The following CDH6 variants were observed in gnomAD, a reference collection of about 807,000 sequenced individuals.
The protein encoded by CDH6 is cadherin-6.
In CDH6, 31 loss-of-function variants were observed where a neutral mutation model predicts 78.0. The ratio of observed to expected loss-of-function variants is 0.40; its 90% CI spans 0.30 to 0.54. The LOEUF is 0.54. Among genes scored for constraint, CDH6 ranks in the 20% least tolerant of loss-of-function variants. The pLI is 0.56. For synonymous variants in CDH6, 376 were observed against 368.8 expected (o/e 1.02, Z -0.23); for missense variants, 724 against 975.9 (o/e 0.74, Z 3.44).
Position 31,327,778 on chromosome 5 carries a change from C to T in CDH6, c.*4470C>T. The T allele has an allele frequency of 4.8e-6, 1 of 210,152 alleles. No individual in the cohort carries two copies. The highest frequency in any genetic ancestry group is 9.7e-6 in the Non-Finnish European group (1 of 103,534). The allele number at this position is 210,152 out of a possible 1,614,324, so 13.0% of individuals were successfully genotyped here. On this transcript the variant is annotated 3_prime_UTR_variant, in exon 12 of 12. Coordinates refer to ENST00000265071, the MANE Select transcript of CDH6 (RefSeq NM_004932.4). The stretch of plus-strand genomic sequence containing the variant: ...TAATTTTCTAAAGGGTAATTCTCTA[C>T]TAAAAATATCAGACCCCGACCATAT...
At chr5:31,199,452 A>G (rs1740265190) in intron 1 of CDH6, among the ~76,000 whole-genome samples, 1 of 22,414 alleles carries the variant, frequency 4.5e-5, no homozygotes, top group African/African-American at 9.3e-5. Context: ...ATACACACAC[A>G]TATGTGTATA....
intron 2 of CDH6, among the ~76,000 whole-genome samples, chr5:31,269,284 G>A (rs1274520830): frequency 9.2e-6 from 1 of 109,182 alleles, no homozygotes; most frequent in African/African-American, 3.3e-5. Context: ...AAAAAAAAGC[G>A]GGGGGGGCAG....
chr5:31,210,693 T>TC (rs972881297), intron 1 of CDH6, among the ~76,000 whole-genome samples: 2 of 152,142 alleles, frequency 1.3e-5, no homozygotes, highest in Non-Finnish European at 2.9e-5. Context: ...CCTACCTACA[T>TC]CCTCCCATAT....
intron 2 of CDH6, among the ~76,000 whole-genome samples, chr5:31,289,612 G>A (rs758753222): frequency 2.0e-5 from 3 of 152,178 alleles, no homozygotes; most frequent in South Asian, 2.1e-4. Context: ...GAGAGTTCCC[G>A]TTTCTCCACA....
chr5:31,280,696 G>A (rs993826737), intron 2 of CDH6, among the ~76,000 whole-genome samples: 6 of 150,130 alleles, frequency 4.0e-5, no homozygotes, highest in Non-Finnish European at 6.0e-5. Flanking sequence ...CAGCGGGGTC[G>A]TCAGATAGTA....
chr5:31,282,236 C>T (rs1017469423), intron 2 of CDH6, among the ~76,000 whole-genome samples: 1 of 152,164 alleles, frequency 6.6e-6, no homozygotes, highest in African/African-American at 2.4e-5. Flanking sequence ...GGGCTAAAAT[C>T]AAGGTGTCTG....
chr5:31,269,611 G>A (rs16900809), intron 2 of CDH6, among the ~76,000 whole-genome samples: 69,319 of 151,620 alleles, frequency 0.46, 16,092 homozygotes, highest in Middle Eastern at 0.58. Flanking sequence ...TAAAAAATCC[G>A]TTGTATATGT....
chr5:31,282,080 CAGT>C (rs1183880209), intron 2 of CDH6, among the ~76,000 whole-genome samples: 2 of 152,174 alleles, frequency 1.3e-5, no homozygotes, highest in Non-Finnish European at 2.9e-5. Context: ...GGACCACACG[CAGT>C]TTCAGTTCAC....
intron 11 of CDH6, chr5:31,318,970 T>G (rs1738402962): frequency 9.2e-6 from 2 of 217,206 alleles, no homozygotes; most frequent in Non-Finnish European, 1.9e-5. Context: ...GCGATTCTCT[T>G]TGTCAACTAA....
intron 1 of CDH6, among the ~76,000 whole-genome samples, chr5:31,207,784 G>C (rs1740574003): frequency 6.6e-6 from 1 of 152,120 alleles, no homozygotes; most frequent in Non-Finnish European, 1.5e-5. Flanking sequence ...CTAATAATTT[G>C]ATTTCTTTGG....
At chr5:31,243,990 A>G (rs535723121) in intron 1 of CDH6, among the ~76,000 whole-genome samples, 23 of 152,310 alleles carry the variant, frequency 1.5e-4, no homozygotes, top group African/African-American at 5.5e-4. Flanking sequence ...ATTTCAGGCC[A>G]ATTTTGTACA....
At chr5:31,210,076 T>TTCTGTGTGTGTGTGTGTGTGTGTGTG (rs1554002608) in intron 1 of CDH6, among the ~76,000 whole-genome samples, 1 of 146,470 alleles carries the variant, frequency 6.8e-6, no homozygotes, top group African/African-American at 2.5e-5. Context: ...TTTTCTTAAA[T>TTCTGTGTGTGTGTGTGTGTGTGTGTG]TGTGTGTGTG....
intron 6 of CDH6, among the ~76,000 whole-genome samples, chr5:31,302,919 GA>G (rs1442564343): frequency 4.4e-4 from 51 of 116,736 alleles, no homozygotes; most frequent in African/African-American, 1.4e-3. Flanking sequence ...AAGAAAGAAA[GA>G]AAGAAAGAAA....
intron 2 of CDH6, among the ~76,000 whole-genome samples, chr5:31,280,408 T>C (rs1053879246): frequency 6.6e-6 from 1 of 152,190 alleles, no homozygotes; most frequent in Non-Finnish European, 1.5e-5. Flanking sequence ...AACCACTCTC[T>C]AGTTGAACAT....
chr5:31,310,159 C>T (rs1307899322), intron 7 of CDH6, among the ~76,000 whole-genome samples: 2 of 152,178 alleles, frequency 1.3e-5, no homozygotes, highest in Non-Finnish European at 2.9e-5. Flanking sequence ...AAGTTAGTTA[C>T]TTCCATACAA....
intron 2 of CDH6, among the ~76,000 whole-genome samples, chr5:31,278,084 T>C (rs1561054754): frequency 6.6e-6 from 1 of 152,202 alleles, no homozygotes. Flanking sequence ...ATATTAACTA[T>C]AGTCTCCATG....
At chr5:31,254,660 G>C (rs1251442362) in intron 1 of CDH6, among the ~76,000 whole-genome samples, 2 of 152,204 alleles carry the variant, frequency 1.3e-5, no homozygotes, top group African/African-American at 4.8e-5. Context: ...TACCAGTTAT[G>C]CTGTTTAGGA....
chr5:31,267,500 G>A lies in CDH6; in HGVS notation c.27G>A (p.Leu9=), dbSNP rs750295332. The change falls in exon 2 of 12, where the codon CTG becomes CTA. Residue 9 remains leucine (L), a synonymous_variant. Transcript: ENST00000265071. ...TGAGAACTTACCGCTACTTCTTGCT[G>A]CTCTTTTGGGTGGGCCAGCCCTACC... MRTYRYFL[L]LFWVGQPYPT... The A allele has an allele frequency of 1.2e-6, 2 of 1,614,024 alleles. No homozygotes were observed. Among genetic ancestry groups the A allele is most frequent in the Non-Finnish European group, 8.5e-7 (1 of 1,180,004 alleles).
At chr5:31,212,245 G>A (rs938845775) in intron 1 of CDH6, among the ~76,000 whole-genome samples, 2 of 152,158 alleles carry the variant, frequency 1.3e-5, no homozygotes, top group Admixed American at 1.3e-4. Context: ...CCCCCAAAAT[G>A]TCAGATGTTT....
Sources: gnomAD v4.1 joint callset for allele counts (sites outside exome capture counted in the v4.1 genomes callset) on GRCh38, gnomAD v4.1.1 for gene constraint, MANE v1.5 for transcripts, NCBI Gene and HGNC (gene_info 2026-07-23, HGNC 2026-07-21) for gene names.